Variants in BRD10 observed in about 807,000 individuals in gnomAD.
The protein encoded by BRD10 is uncharacterized bromodomain-containing protein 10.
the BRD10 span, chr9:6,008,347 G>A: frequency 1.0e-6 from 1 of 984,082 alleles, no homozygotes; most frequent in Non-Finnish European, 1.2e-6. Flanking sequence ...TCAGTTAGAA[G>A]CCCCGCTGGG....
the BRD10 span, among the ~76,000 whole-genome samples, chr9:6,000,013 T>C: frequency 6.6e-6 from 1 of 152,174 alleles, no homozygotes; most frequent in Non-Finnish European, 1.5e-5. Context: ...TTAACTTCCT[T>C]TCAATAAAAT....
At chr9:5,943,345 T>C in the BRD10 span, among the ~76,000 whole-genome samples, 4 of 152,164 alleles carry the variant, frequency 2.6e-5, no homozygotes, top group Non-Finnish European at 5.9e-5. Flanking sequence ...AATGCTCTAA[T>C]TTATAATATG....
the BRD10 span, among the ~76,000 whole-genome samples, chr9:5,956,882 A>C: frequency 6.6e-6 from 1 of 152,152 alleles, no homozygotes; most frequent in South Asian, 2.1e-4. Flanking sequence ...CTGTATTTAC[A>C]GCATTTAGCA....
At chr9:5,920,363 A>G in the BRD10 span, 1 of 1,613,936 alleles carries the variant, frequency 6.2e-7, no homozygotes, top group Non-Finnish European at 8.5e-7. Flanking sequence ...ACTGGTATTG[A>G]TGACTATTTT....
chr9:5,924,618 T>G, the BRD10 span: 1 of 1,245,908 alleles, frequency 8.0e-7, no homozygotes, highest in African/African-American at 1.5e-5. Flanking sequence ...CTTCTCTTTG[T>G]GCCTTCAGTG....
the BRD10 span, among the ~76,000 whole-genome samples, chr9:5,925,071 G>A: frequency 2.0e-5 from 3 of 152,080 alleles, no homozygotes; most frequent in African/African-American, 7.2e-5. Context: ...AAAATTATAT[G>A]TATCTGGCCA....
the BRD10 span, among the ~76,000 whole-genome samples, chr9:6,001,592 G>A: frequency 6.6e-5 from 10 of 152,242 alleles, no homozygotes; most frequent in Non-Finnish European, 8.8e-5. Context: ...AAGGGACAAG[G>A]TAATGTTTGT....
chr9:5,906,763 C>A, the BRD10 span: 3 of 596,594 alleles, frequency 5.0e-6, no homozygotes, highest in East Asian at 6.1e-5. Context: ...TGAAGGCACA[C>A]AGCAAGTAAG....
At chr9:5,942,761 T>C in the BRD10 span, among the ~76,000 whole-genome samples, 186 of 152,354 alleles carry the variant, frequency 1.2e-3, 2 homozygotes, top group African/African-American at 4.4e-3. Flanking sequence ...TCAGGGGGCA[T>C]GGACAAGTTA....
At chr9:5,929,238 A>G in the BRD10 span, 1 of 745,692 alleles carries the variant, frequency 1.3e-6, no homozygotes, top group East Asian at 2.6e-5. Context: ...AGTAAAATAC[A>G]AAAACACCAA....
chr9:5,938,168 C>T, the BRD10 span, among the ~76,000 whole-genome samples: 2 of 152,074 alleles, frequency 1.3e-5, no homozygotes, highest in Non-Finnish European at 2.9e-5. Context: ...GCCCAACCAA[C>T]CCTAATTAAA....
At chr9:5,936,093 T>C in the BRD10 span, among the ~76,000 whole-genome samples, 2 of 152,344 alleles carry the variant, frequency 1.3e-5, no homozygotes, top group South Asian at 2.1e-4. Context: ...TGGGGGCTTA[T>C]GCTTATAGTC....
At chr9:5,902,861 A>G in the BRD10 span, among the ~76,000 whole-genome samples, 1 of 151,922 alleles carries the variant, frequency 6.6e-6, no homozygotes, top group Non-Finnish European at 1.5e-5. Flanking sequence ...TTTTCCGCTT[A>G]CTTTGGATTT....
the BRD10 span, among the ~76,000 whole-genome samples, chr9:5,911,539 TTTC>T: frequency 4.6e-5 from 7 of 150,564 alleles, no homozygotes; most frequent in Admixed American, 2.6e-4. Context: ...TTTCTTTTCT[TTTC>T]TTTTTTTTTT....
the BRD10 span, among the ~76,000 whole-genome samples, chr9:5,997,441 G>GT: frequency 0.83 from 124,055 of 149,270 alleles, 52,265 homozygotes; most frequent in Non-Finnish European, 0.92. Flanking sequence ...GAAAAAATGG[G>GT]TTTTTTTTTT....
the BRD10 span, among the ~76,000 whole-genome samples, chr9:5,951,617 A>C: frequency 6.6e-6 from 1 of 152,246 alleles, no homozygotes; most frequent in Admixed American, 6.5e-5. Context: ...GGTGCTAAAT[A>C]CCATATCGCT....
the BRD10 span, chr9:5,920,438 G>C: frequency 6.2e-7 from 1 of 1,614,002 alleles, no homozygotes. Context: ...TGGTGCCGAA[G>C]CCGTGTGAAT....
chr9:5,951,666 AAT>A, the BRD10 span, among the ~76,000 whole-genome samples: 16 of 152,226 alleles, frequency 1.1e-4, no homozygotes, highest in African/African-American at 3.9e-4. Flanking sequence ...TTTATTATAT[AAT>A]AGTCTTCTTA....
the BRD10 span, among the ~76,000 whole-genome samples, chr9:5,978,074 A>G: frequency 6.6e-6 from 1 of 152,196 alleles, no homozygotes; most frequent in African/African-American, 2.4e-5. Context: ...AAAACAGGGT[A>G]CATAAACAAT....
Sources: allele counts gnomAD v4.1 joint callset (sites outside exome capture counted in the v4.1 genomes callset), GRCh38; gene constraint gnomAD v4.1.1; transcripts MANE v1.5; gene names NCBI Gene and HGNC (gene_info 2026-07-23, HGNC 2026-07-21).